Variants in RFX3 observed in about 807,000 individuals in gnomAD.
RFX3 encodes transcription factor RFX3.
RFX3 carries 14 observed loss-of-function variants against 98.6 expected under a neutral mutation model. The observed-to-expected ratio is 0.14, with a 90% CI of 0.09 to 0.22. The LOEUF is 0.22. RFX3 is among the 10% of genes least tolerant of loss of function. The probability of loss-of-function intolerance (pLI) is 1.00; values close to 1 mark genes in which losing one functional copy is unlikely to be tolerated. For synonymous variants in RFX3, 383 were observed against 328.4 expected (o/e 1.17, Z -1.80); for missense variants, 639 against 926.9 (o/e 0.69, Z 4.03).
chr9:3,418,532 AC>A (rs1314675616), intron 1 of RFX3, among the ~76,000 whole-genome samples: 1 of 151,944 alleles, frequency 6.6e-6, no homozygotes, highest in Non-Finnish European at 1.5e-5. Flanking sequence ...GGCACCCACC[AC>A]CATGCCCAGC....
At chr9:3,314,881 T>A (rs994610834) in intron 4 of RFX3, among the ~76,000 whole-genome samples, 1 of 152,100 alleles carries the variant, frequency 6.6e-6, no homozygotes, top group African/African-American at 2.4e-5. Flanking sequence ...AAGCAAGTCC[T>A]TAGAGACCTA....
chr9:3,467,275 CATAT>C (rs961030348), intron 1 of RFX3, among the ~76,000 whole-genome samples: 4 of 142,776 alleles, frequency 2.8e-5, no homozygotes, highest in African/African-American at 7.8e-5. Context: ...TACATACATA[CATAT>C]ATATACATAT....
intron 2 of RFX3, among the ~76,000 whole-genome samples, chr9:3,347,553 G>T (rs532148889): frequency 6.7e-4 from 102 of 152,204 alleles, no homozygotes; most frequent in African/African-American, 2.3e-3. Flanking sequence ...GCCGGGTGCG[G>T]TGGCTCACCC....
chr9:3,525,772 G>T lies in RFX3; in HGVS notation c.-34C>A. ...CTTGGCTGTGGATTATTGTGGTGTT[G>T]TTGGTGGGTGATGGAGATGGTGGTG... On this transcript the variant is annotated 5_prime_UTR_variant, in exon 1 of 17. Coordinates refer to ENST00000617270, the MANE Select transcript of RFX3 (RefSeq NM_001282116.2). 1 of 424,578 alleles carries T rather than the reference G, an allele frequency of 2.4e-6. No homozygotes were observed. The highest frequency in any genetic ancestry group is 3.2e-6 in the Non-Finnish European group (1 of 316,848). The allele number at this position is 424,578 out of a possible 1,614,324, so 26.3% of individuals were successfully genotyped here.
intron 1 of RFX3, among the ~76,000 whole-genome samples, chr9:3,481,882 A>T (rs573821108): frequency 3.0e-4 from 45 of 152,280 alleles, no homozygotes; most frequent in Admixed American, 7.2e-4. Flanking sequence ...ATAAATAAAA[A>T]GACTGATTAT....
At chr9:3,317,174 T>C (rs1293721941) in intron 4 of RFX3, among the ~76,000 whole-genome samples, 5 of 152,166 alleles carry the variant, frequency 3.3e-5, no homozygotes, top group East Asian at 3.9e-4. Flanking sequence ...AACAGAGATA[T>C]AGACCAATGG....
rs189680134 is a variant in RFX3, at chr9:3,297,095, T to C, written c.550-3837A>G. Among the ~76,000 whole-genome samples, 386 of 152,190 alleles carry C rather than the reference T, an allele frequency of 2.5e-3. 3 individuals are homozygous for C. The highest frequency in any genetic ancestry group is 9.0e-3 in the African/African-American group (373 of 41,546). The stretch of plus-strand genomic sequence containing the variant: ...GTGCAACCTAAAGGCACAGGCTCCA[T>C]GAGCTACCCAAGGGAAGTTAATGCC... On this transcript the variant is annotated intron_variant, in intron 5 of 16. Coordinates refer to ENST00000617270, the MANE Select transcript of RFX3 (RefSeq NM_001282116.2).
intron 15 of RFX3, among the ~76,000 whole-genome samples, chr9:3,243,368 A>G (rs1425874251): frequency 6.6e-6 from 1 of 151,758 alleles, no homozygotes; most frequent in Non-Finnish European, 1.5e-5. Context: ...TGCTTTAAAT[A>G]ATTTACTAGG....
chr9:3,304,820 A>G (rs1016118135), intron 4 of RFX3, among the ~76,000 whole-genome samples: 1 of 152,026 alleles, frequency 6.6e-6, no homozygotes, highest in African/African-American at 2.4e-5. Context: ...TGTCTTTATC[A>G]GCAGCATGAG....
intron 1 of RFX3, among the ~76,000 whole-genome samples, chr9:3,524,304 G>A (rs1162149794): frequency 1.3e-5 from 2 of 151,972 alleles, no homozygotes; most frequent in East Asian, 1.9e-4. Flanking sequence ...GGACTAATAA[G>A]TATTCAAATC....
chr9:3,358,863 C>T (rs1277897501), intron 2 of RFX3, among the ~76,000 whole-genome samples: 1 of 151,938 alleles, frequency 6.6e-6, no homozygotes, highest in Admixed American at 6.6e-5. Context: ...GAATGCCAAG[C>T]GAAGGGGAAA....
chr9:3,333,857 C>T (rs1321337617), intron 3 of RFX3, among the ~76,000 whole-genome samples: 1 of 152,056 alleles, frequency 6.6e-6, no homozygotes, highest in Non-Finnish European at 1.5e-5. Context: ...CTAAATATAG[C>T]TAATATTTAC....
chr9:3,249,793 G>A (rs561404148), intron 14 of RFX3, among the ~76,000 whole-genome samples: 1 of 152,112 alleles, frequency 6.6e-6, no homozygotes, highest in South Asian at 2.1e-4. Context: ...ATGACATAAT[G>A]TATGTGAAAT....
intron 1 of RFX3, among the ~76,000 whole-genome samples, chr9:3,504,902 A>ATATATATTATATATAATATAACATATAT (rs1564185546): frequency 1.4e-3 from 73 of 53,086 alleles, no homozygotes; most frequent in Admixed American, 2.6e-3. Flanking sequence ...AACATATATT[A>ATATATATTATATATAATATAACATATAT]TATATATATA....
At chr9:3,270,884 T>A (rs910218251) in intron 10 of RFX3, 119 bp downstream of exon 10, 2 of 1,423,250 alleles carry the variant, frequency 1.4e-6, no homozygotes, top group South Asian at 2.5e-5. Context: ...GGCCAAAACA[T>A]CAATCTATTC....
chr9:3,394,416 T>C (rs1306948878), intron 2 of RFX3, among the ~76,000 whole-genome samples: 1 of 152,176 alleles, frequency 6.6e-6, no homozygotes, highest in Non-Finnish European at 1.5e-5. Flanking sequence ...TGAGCCGAGA[T>C]GATGCCACTG....
At chr9:3,504,668 T>TTGTATATAAGATATATATTATA (rs1421847215) in intron 1 of RFX3, among the ~76,000 whole-genome samples, 1 of 138,688 alleles carries the variant, frequency 7.2e-6, no homozygotes. Context: ...ATGGTATATA[T>TTGTATATAAGATATATATTATA]TGCATATAAA....
rs149570188 is a variant in RFX3 at position 3,264,362 on chromosome 9, T to C, written c.1456-1278A>G. Among the ~76,000 whole-genome samples the C allele has an allele frequency of 6.1e-3, 936 of 152,290 alleles. 3 individuals are homozygous for C. Among genetic ancestry groups the C allele is most frequent in the Non-Finnish European group, 9.8e-3 (668 of 68,022 alleles). On this transcript the variant is annotated intron_variant, in intron 12 of 16. Coordinates refer to ENST00000617270, the MANE Select transcript of RFX3 (RefSeq NM_001282116.2). Reference sequence around the variant, plus strand: ...TGCACTCAATCACTATATGGGTATATAAGGTACGAGCAGTTGAATGATCAA... The same window carrying C: ...TGCACTCAATCACTATATGGGTATACAAGGTACGAGCAGTTGAATGATCAA...
intron 3 of RFX3, among the ~76,000 whole-genome samples, chr9:3,337,425 T>G (rs1389321530): frequency 6.6e-6 from 1 of 152,242 alleles, no homozygotes; most frequent in Non-Finnish European, 1.5e-5. Flanking sequence ...AGCCAGGTAC[T>G]GGCTTTTCCA....
Sources: allele counts gnomAD v4.1 joint callset (sites outside exome capture counted in the v4.1 genomes callset), GRCh38; gene constraint gnomAD v4.1.1; transcripts MANE v1.5; gene names NCBI Gene and HGNC (gene_info 2026-07-23, HGNC 2026-07-21).